HERC5: variants seen among roughly 807,000 people sequenced by gnomAD.
The protein encoded by HERC5 is E3 ISG15--protein ligase HERC5.
A neutral mutation model predicts 119.6 loss-of-function variants in HERC5; 99 were observed. The observed-to-expected ratio is 0.83, with a 90% CI of 0.70 to 0.98. HERC5 has a LOEUF of 0.98. Among genes scored for constraint, HERC5 ranks in the 50% least tolerant of loss-of-function variants. The pLI, the probability that HERC5 is intolerant of heterozygous loss-of-function variation, is 0.00. For missense variants in HERC5, 1,267 were observed against 1,241.3 expected, an observed-to-expected ratio of 1.02 and a Z score of -0.31; for synonymous variants, 478 against 445.9, an observed-to-expected ratio of 1.07 and a Z score of -0.91.
intron 13 of HERC5, among the ~76,000 whole-genome samples, chr4:88,485,817 C>A: frequency 6.6e-6 from 1 of 151,408 alleles, no homozygotes. Context: ...CCCCAGAGTA[C>A]TTTGGGATAT....
chr4:88,497,653 G>GA (rs769067289), intron 18 of HERC5, among the ~76,000 whole-genome samples: 67 of 152,116 alleles, frequency 4.4e-4, no homozygotes, highest in Non-Finnish European at 8.2e-4. Context: ...TTTATCATTA[G>GA]AAAAAAAGCC....
At chr4:88,463,692 C>T in intron 5 of HERC5, 69 bp downstream of exon 5, 1 of 1,466,510 alleles carries the variant, frequency 6.8e-7, no homozygotes, top group Non-Finnish European at 9.5e-7. Context: ...GTTAGTGTTT[C>T]CCAGAGAAGA....
intron 16 of HERC5, among the ~76,000 whole-genome samples, chr4:88,490,372 C>T (rs1034955679): frequency 3.7e-4 from 57 of 152,156 alleles, no homozygotes; most frequent in African/African-American, 1.4e-3. Context: ...AACTGATAAG[C>T]ATCAGAGGAT....
At chr4:88,479,278 CTG>C in intron 12 of HERC5, 73 bp from the exon 13 acceptor site, 4 of 1,203,472 alleles carry the variant, frequency 3.3e-6, no homozygotes, top group Non-Finnish European at 4.5e-6. Flanking sequence ...GGGTGAGACT[CTG>C]TCTCAAAAAA....
At chr4:88,497,419 A>G (rs911286463) in intron 18 of HERC5, among the ~76,000 whole-genome samples, 2 of 152,206 alleles carry the variant, frequency 1.3e-5, no homozygotes, top group African/African-American at 2.4e-5. Context: ...GAAGTGAGGA[A>G]CACATTGGAA....
rs1178026998 is a variant in HERC5 at position 88,467,306 on chromosome 4, G to A, written c.1057+102G>A. ...AAAGAAAGCAACATATGACTATGAAGGGAGTTTCTCTAAATACTGGTTTCA... is the reference window on the plus strand; with the variant it reads ...AAAGAAAGCAACATATGACTATGAAAGGAGTTTCTCTAAATACTGGTTTCA... On this transcript the variant is annotated intron_variant, in intron 7 of 22. Coordinates refer to ENST00000264350, the MANE Select transcript of HERC5 (RefSeq NM_016323.4). The A allele has an allele frequency of 3.3e-6, 4 of 1,206,262 alleles. No homozygotes were observed. The South Asian group carries it at 6.0e-5, about 18-fold the overall frequency. 74.7% of individuals were successfully genotyped at this position (1,206,262 alleles called of 1,614,324 possible).
At chr4:88,461,507 C>T (rs1740442884) in intron 3 of HERC5, among the ~76,000 whole-genome samples, 1 of 152,144 alleles carries the variant, frequency 6.6e-6, no homozygotes, top group African/African-American at 2.4e-5. Flanking sequence ...CCACATCCTG[C>T]ACAATATCTT....
chr4:88,487,784 TA>T (rs1459712931), intron 15 of HERC5, among the ~76,000 whole-genome samples: 1 of 152,182 alleles, frequency 6.6e-6, no homozygotes, highest in African/African-American at 2.4e-5. Flanking sequence ...ACCAAAGTAG[TA>T]AAATTGGGCA....
chr4:88,472,467 A>G lies in HERC5; in HGVS notation c.1357A>G (p.Lys453Glu), dbSNP rs377086844. Residue 453 changes from lysine (K) to glutamate (E), a missense_variant, in exon 11 of 23, where the codon AAG becomes GAG. By Grantham distance (56) the Lys-to-Glu change is moderately conservative (BLOSUM62 1). Around this residue, in one of 3 missense-constraint regions of HERC5, gnomAD observed 777 missense variants for 758.0 expected, o/e 1.03. Coordinates refer to ENST00000264350, the MANE Select transcript of HERC5 (RefSeq NM_016323.4). ...LDLNKARNIF[K>E]ELTQKDWITN... ...CTTAAATAAAGCAAGAAACATCTTC[A>G]AGGAGTTAACCCAAAAGGACTGGAT... 4.1e-5 allele frequency: 66 copies of G among 1,603,312 alleles called. No homozygotes were observed. Among genetic ancestry groups the G allele is most frequent in the Non-Finnish European group, 5.5e-5 (64 of 1,171,792 alleles).
chr4:88,457,498 C>T lies in HERC5; in HGVS notation c.229C>T (p.Gln77Ter). 7.6e-7 allele frequency: 1 copy of T among 1,313,564 alleles called. No homozygotes were observed. Among genetic ancestry groups the T allele is most frequent in the Non-Finnish European group, 9.7e-7 (1 of 1,031,972 alleles). The allele number at this position is 1,313,564 out of a possible 1,614,324, so 81.4% of individuals were successfully genotyped here. The stretch of plus-strand genomic sequence containing the variant: ...CGGCGGGGCGGGCGTCCAGGTTCAC[C>T]AGCTGCTCGCCGGGAGCGGCGGCGC... Reference protein sequence around the residue: ...ERGGAGVQVHQLLAGSGGART... With the variant: ...ERGGAGVQVH Residue 77 changes from glutamine to a stop codon, truncating the protein, a stop_gained, in exon 1 of 23, where the codon CAG (glutamine) becomes TAG (stop). Transcript: ENST00000264350. LOFTEE classifies it high-confidence loss of function.
At chr4:88,498,299 C>T (rs1240329318) in intron 18 of HERC5, among the ~76,000 whole-genome samples, 2 of 152,138 alleles carry the variant, frequency 1.3e-5, no homozygotes, top group Admixed American at 6.5e-5. Context: ...TCAAAAGCAC[C>T]CAACACTAAT....
intron 16 of HERC5, among the ~76,000 whole-genome samples, chr4:88,489,845 C>T (rs1476556939): frequency 6.6e-6 from 1 of 152,010 alleles, no homozygotes; most frequent in Non-Finnish European, 1.5e-5. Flanking sequence ...CCTGTCTCTA[C>T]TAAAAATACA....
chr4:88,487,504 A>C (rs1417323416), intron 15 of HERC5, among the ~76,000 whole-genome samples: 1 of 152,190 alleles, frequency 6.6e-6, no homozygotes, highest in Non-Finnish European at 1.5e-5. Flanking sequence ...GGGCTTGATT[A>C]GGTGTAACAG....
chr4:88,495,014 C>T lies in HERC5; in HGVS notation c.2444+683C>T, dbSNP rs915315121. Among the ~76,000 whole-genome samples, 99 of 152,174 alleles carry T rather than the reference C, an allele frequency of 6.5e-4. 5 individuals carry two copies. The highest frequency in any genetic ancestry group is 1.0e-4 in the Non-Finnish European group (7 of 68,038). On this transcript the variant is annotated intron_variant, in intron 18 of 22. Coordinates refer to ENST00000264350, the MANE Select transcript of HERC5 (RefSeq NM_016323.4). ...GGAAATATAAATTGGTACTCCTTTT[C>T]AGAGAACAGTGTGGCAGGACTTAGC...
Position 88,460,075 on chromosome 4 carries a change from AGT to A in HERC5, c.390-17_390-16del. On this transcript the variant is annotated intron_variant, in intron 2 of 22. Transcript: ENST00000264350. ...ACTTTCATTATGGTGATTAACACAA[AGT>A]GTATTTTCCTTCATCAGGTTTGAAA... The A allele has an allele frequency of 2.3e-6, 3 of 1,301,872 alleles. No homozygotes were observed. The highest frequency in any genetic ancestry group is 3.3e-6 in the Non-Finnish European group (3 of 900,862). The allele number at this position is 1,301,872 out of a possible 1,614,324, so 80.6% of individuals were successfully genotyped here.
chr4:88,501,160 G>A (rs777605129), intron 20 of HERC5, among the ~76,000 whole-genome samples, 175 bp downstream of exon 20: 12 of 152,206 alleles, frequency 7.9e-5, no homozygotes, highest in South Asian at 4.1e-4. Context: ...AGTTTATATT[G>A]TGGTAAGGAA....
rs1280836090 is a variant in HERC5, at chr4:88,470,658, G to C, written c.1283G>C (p.Ser428Thr). 2 of 1,464,002 alleles carry C rather than the reference G, an allele frequency of 1.4e-6. No individual in the cohort carries two copies. Among genetic ancestry groups the C allele is most frequent in the Admixed American group, 1.7e-5 (1 of 57,460 alleles). The allele number at this position is 1,464,002 out of a possible 1,614,324, so 90.7% of individuals were successfully genotyped here. The change falls in exon 10 of 23, where the codon AGT (serine) becomes ACT (threonine). Residue 428 changes from serine to threonine, a missense_variant. Ser to Thr is a moderately conservative substitution (Grantham distance 58, BLOSUM62 1). Around this residue, in one of 3 missense-constraint regions of HERC5, gnomAD observed 777 missense variants for 758.0 expected, o/e 1.03. Coordinates refer to ENST00000264350, the MANE Select transcript of HERC5 (RefSeq NM_016323.4). ...TCATCTCCTGCTTGTCTAACTGGAA[G>C]TTTTTTAAGGAAAAGGTAATATATG... ...IFSSPACLTG[S>T]FLRKRRTTEM...
chr4:88,472,323 T>C, intron 10 of HERC5, 86 bp from the exon 11 acceptor site: 1 of 747,250 alleles, frequency 1.3e-6, no homozygotes, highest in Non-Finnish European at 2.3e-6. Context: ...AAAAGGTAAT[T>C]TTGTTGAAAT....
intron 20 of HERC5, among the ~76,000 whole-genome samples, chr4:88,501,955 C>T (rs899538898): frequency 1.7e-4 from 26 of 151,954 alleles, no homozygotes; most frequent in African/African-American, 5.8e-4. Flanking sequence ...CCCGCCACCA[C>T]GCCCAACTAA....
Sources: allele counts gnomAD v4.1 joint callset (sites outside exome capture counted in the v4.1 genomes callset), GRCh38; gene constraint gnomAD v4.1.1; regional missense constraint gnomAD v4.1.1; transcripts MANE v1.5; gene names NCBI Gene and HGNC (gene_info 2026-07-23, HGNC 2026-07-21).